The following BDNF variants were observed in gnomAD, a reference collection of about 807,000 sequenced individuals.
BDNF encodes neurotrophic factor BDNF precursor form.
Under a neutral mutation model 19.5 loss-of-function variants are expected in BDNF, and 1 was observed. The observed-to-expected ratio is 0.05, with a 90% confidence interval of 0.02 to 0.24. BDNF has a LOEUF of 0.24. Among genes scored for constraint, BDNF ranks in the 10% least tolerant of loss-of-function variants. The pLI is 1.00. For synonymous variants in BDNF, 100 were observed against 121.6 expected (o/e 0.82, Z 1.17); for missense variants, 195 against 317.6 (o/e 0.61, Z 2.93).
chr11:27,669,961 A>C (rs1476509064), intron 1 of BDNF, among the ~76,000 whole-genome samples: 1 of 152,174 alleles, frequency 6.6e-6, no homozygotes, highest in African/African-American at 2.4e-5. Context: ...GACAATCCTA[A>C]ACCAAAAGAA....
intron 1 of BDNF, among the ~76,000 whole-genome samples, chr11:27,698,509 G>T (rs959201040): frequency 3.3e-5 from 5 of 152,090 alleles, no homozygotes; most frequent in African/African-American, 1.2e-4. Flanking sequence ...GCCTCAATAA[G>T]TTAAAATGTA....
chr11:27,667,579 CA>C (rs1371566817), intron 1 of BDNF, among the ~76,000 whole-genome samples: 1 of 151,958 alleles, frequency 6.6e-6, no homozygotes, highest in Non-Finnish European at 1.5e-5. Context: ...GAAGATCTAC[CA>C]AGGAAATGGA....
intron 1 of BDNF, chr11:27,674,139 G>C (rs759413029): frequency 1.2e-6 from 2 of 1,611,692 alleles, no homozygotes; most frequent in Admixed American, 3.4e-5. Flanking sequence ...CTTCTTCTGG[G>C]ATGCACAGTC....
chr11:27,660,188 T>C (rs1564943861), intron 1 of BDNF: 1 of 1,189,804 alleles, frequency 8.4e-7, no homozygotes, highest in Non-Finnish European at 1.1e-6. Context: ...CAGAAATGGC[T>C]GAAAACTCTG....
intron 1 of BDNF, chr11:27,691,093 A>T (rs1858201643): frequency 6.6e-6 from 1 of 152,234 alleles, no homozygotes; most frequent in African/African-American, 2.4e-5. Flanking sequence ...ACAAACTGAC[A>T]CCTGAAAATC....
At chr11:27,670,235 T>G (rs1485348962) in intron 1 of BDNF, among the ~76,000 whole-genome samples, 2 of 152,190 alleles carry the variant, frequency 1.3e-5, no homozygotes, top group African/African-American at 2.4e-5. Context: ...GATCCCTTCT[T>G]TACACCTTAT....
chr11:27,664,867 C>T (rs541561435), intron 1 of BDNF, among the ~76,000 whole-genome samples: 3 of 152,160 alleles, frequency 2.0e-5, no homozygotes, highest in Non-Finnish European at 4.4e-5. Flanking sequence ...GAACCTTGCC[C>T]TCATCCTCTG....
intron 1 of BDNF, chr11:27,698,052 T>A (rs1281198295): frequency 3.3e-5 from 5 of 151,992 alleles, no homozygotes; most frequent in Non-Finnish European, 7.4e-5. Context: ...TTACCAACAT[T>A]TATCACATTT....
chr11:27,710,196 C>T (rs1347958640), intron 1 of BDNF, among the ~76,000 whole-genome samples: 1 of 152,190 alleles, frequency 6.6e-6, no homozygotes, highest in African/African-American at 2.4e-5. Flanking sequence ...TCTTCATAGA[C>T]TTCCGCATCT....
At chr11:27,669,856 C>A (rs1368274930) in intron 1 of BDNF, among the ~76,000 whole-genome samples, 1 of 151,960 alleles carries the variant, frequency 6.6e-6, no homozygotes, top group Non-Finnish European at 1.5e-5. Flanking sequence ...AGATTCAATG[C>A]CATCCCCATC....
chr11:27,687,107 T>C (rs1277642212), intron 1 of BDNF, among the ~76,000 whole-genome samples: 1 of 152,184 alleles, frequency 6.6e-6, no homozygotes, highest in East Asian at 1.9e-4. Flanking sequence ...TTCCTTCCTT[T>C]TCATTCTTTT....
chr11:27,703,385 C>T (rs1590474852), upstream of BDNF, among the ~76,000 whole-genome samples: 1 of 152,220 alleles, frequency 6.6e-6, no homozygotes, highest in African/African-American at 2.4e-5. Flanking sequence ...TTCACATTTG[C>T]TTGAAAATGA....
chr11:27,682,898 A>G (rs1439522673), intron 1 of BDNF, among the ~76,000 whole-genome samples: 1 of 152,198 alleles, frequency 6.6e-6, no homozygotes, highest in African/African-American at 2.4e-5. Flanking sequence ...TAGTAGCATG[A>G]TTTATAATCC....
intron 1 of BDNF, among the ~76,000 whole-genome samples, chr11:27,707,069 C>G (rs1251921767): frequency 1.3e-5 from 2 of 152,150 alleles, no homozygotes; most frequent in Non-Finnish European, 2.9e-5. Flanking sequence ...TTATTATATA[C>G]TGATATAATT....
Position 27,658,456 on chromosome 11 carries a change from C to T in BDNF, c.109G>A (p.Val37Met), listed in dbSNP as rs759834365. ...CTCTCCAGAGTCCCATGGGTCCGCACACCTGGGTAGGCCAAGCCACCTTGT... is the reference window on the plus strand; with the variant it reads ...CTCTCCAGAGTCCCATGGGTCCGCATACCTGGGTAGGCCAAGCCACCTTGT... ...RGQGGLAYPG[V>M]RTHGTLESVN... Residue 37 changes from valine (V) to methionine (M), a missense_variant, in exon 2 of 2, where the codon GTG (valine) becomes ATG (methionine). Val to Met is a conservative substitution (Grantham distance 21). Around this residue, in one of 2 missense-constraint regions of BDNF, gnomAD observed 124 missense variants for 155.0 expected, o/e 0.80. Transcript: ENST00000356660. This position sits in a 1 kb window ranked among gnomAD's most constrained non-coding sequence, Gnocchi z 5.7. The T allele has an allele frequency of 1.9e-6, 3 of 1,614,084 alleles. No homozygotes were observed. Among genetic ancestry groups the T allele is most frequent in the Admixed American group, 1.7e-5 (1 of 60,004 alleles).
chr11:27,681,205 G>A (rs1856793639), intron 1 of BDNF, among the ~76,000 whole-genome samples: 1 of 152,176 alleles, frequency 6.6e-6, no homozygotes, highest in African/African-American at 2.4e-5. Context: ...AAATCACAGA[G>A]CTAGTAAGTG....
intron 1 of BDNF, among the ~76,000 whole-genome samples, chr11:27,716,162 C>T (rs1475355270): frequency 1.3e-5 from 2 of 152,144 alleles, no homozygotes; most frequent in African/African-American, 4.8e-5. Flanking sequence ...AGCAGCTCTA[C>T]ATTCCAAAGT....
At position 27,674,346 on chromosome 11, in the gene BDNF, T is replaced by C. The variant is rs909288165; in HGVS notation, c.-21-15761A>G. 9.0e-5 allele frequency: 139 copies of C among 1,537,776 alleles called. No homozygotes were observed. The Middle Eastern group carries it at 1.8e-3, about 20-fold the overall frequency. On this transcript the variant is annotated intron_variant, in intron 1 of 1. Coordinates refer to ENST00000356660, the MANE Select transcript of BDNF (RefSeq NM_001709.5). ...ATAATTTCTTTTAATTACTTAACTGTAAAGCACAGGAAAGTGCTCATTACT... is the reference window on the plus strand; with the variant it reads ...ATAATTTCTTTTAATTACTTAACTGCAAAGCACAGGAAAGTGCTCATTACT...
chr11:27,697,158 CACACACAGAGAG>C (rs1326096667), intron 1 of BDNF, among the ~76,000 whole-genome samples: 3 of 113,578 alleles, frequency 2.6e-5, no homozygotes, highest in African/African-American at 5.8e-5. Context: ...CACACACACA[CACACACAGAGAG>C]AGAGAGAGAG....
Sources: gnomAD v4.1 joint callset for allele counts (sites outside exome capture counted in the v4.1 genomes callset) on GRCh38, gnomAD v4.1.1 for gene constraint, gnomAD v4.1.1 regional missense constraint, Gnocchi (gnomAD v3.1) non-coding constraint, MANE v1.5 for transcripts, NCBI Gene and HGNC (gene_info 2026-07-23, HGNC 2026-07-21) for gene names.